EEA1: variants seen among roughly 807,000 people sequenced by gnomAD.
The protein encoded by EEA1 is early endosome antigen 1, also known as early endosome antigen 1, 162kD.
Under a neutral mutation model 209.2 loss-of-function variants are expected in EEA1, and 111 were observed. That is an observed-to-expected ratio of 0.53 (90% confidence interval 0.45 to 0.62). The LOEUF is 0.62. Among genes scored for constraint, EEA1 ranks in the 20% least tolerant of loss-of-function variants. The pLI is 0.00. For synonymous variants in EEA1, 536 were observed against 540.6 expected, an observed-to-expected ratio of 0.99 and a Z score of 0.12; for missense variants, 1,343 against 1,530.8, an observed-to-expected ratio of 0.88 and a Z score of 2.05.
chr12:92,856,154 T>A (rs1877869749), intron 5 of EEA1, among the ~76,000 whole-genome samples: 1 of 152,242 alleles, frequency 6.6e-6, no homozygotes, highest in African/African-American at 2.4e-5. Flanking sequence ...GATTATTAAT[T>A]ACTTTACAAA....
intron 2 of EEA1, among the ~76,000 whole-genome samples, chr12:92,886,774 G>A (rs185861386): frequency 3.9e-5 from 6 of 152,228 alleles, no homozygotes; most frequent in East Asian, 1.9e-4. Flanking sequence ...CGAAGCGGGC[G>A]GATCACAAGG....
intron 16 of EEA1, 80 bp downstream of exon 16, chr12:92,812,900 G>T: frequency 1.1e-6 from 1 of 923,100 alleles, no homozygotes; most frequent in Non-Finnish European, 1.6e-6. Flanking sequence ...TACAAAACTG[G>T]GTATCATCTT....
intron 1 of EEA1, among the ~76,000 whole-genome samples, chr12:92,908,785 A>T (rs1052127070): frequency 6.6e-6 from 1 of 152,074 alleles, no homozygotes. Flanking sequence ...TAAGTAAAAA[A>T]CCATTTTATA....
intron 1 of EEA1, among the ~76,000 whole-genome samples, chr12:92,909,348 G>A (rs780726304): frequency 2.6e-5 from 4 of 152,154 alleles, no homozygotes; most frequent in Non-Finnish European, 4.4e-5. Flanking sequence ...ATAAGGTCCT[G>A]TCAAAATGAC....
chr12:92,812,886 A>T (rs954628529), intron 16 of EEA1, 94 bp downstream of exon 16: 1 of 814,104 alleles, frequency 1.2e-6, no homozygotes, highest in African/African-American at 1.7e-5. Context: ...CTATCACAAG[A>T]TTATACAAAA....
intron 11 of EEA1, among the ~76,000 whole-genome samples, 197 bp from the exon 12 acceptor site, chr12:92,828,258 A>G (rs895478219): frequency 1.3e-5 from 2 of 152,224 alleles, no homozygotes; most frequent in Non-Finnish European, 2.9e-5. Flanking sequence ...AATGAATCAC[A>G]TAAAATTATC....
intron 9 of EEA1, 78 bp from the exon 10 acceptor site, chr12:92,842,659 T>C: frequency 1.1e-6 from 1 of 895,886 alleles, no homozygotes; most frequent in East Asian, 2.9e-5. Context: ...TATATAAAGG[T>C]TTTAAGAAAA....
At chr12:92,859,013 G>C in intron 3 of EEA1, 1 of 685,296 alleles carries the variant, frequency 1.5e-6, no homozygotes, top group South Asian at 1.7e-5. Context: ...GTTAAAGGAG[G>C]TCTGTGCAGA....
intron 3 of EEA1, chr12:92,859,371 C>A: frequency 5.5e-6 from 4 of 723,972 alleles, no homozygotes; most frequent in Non-Finnish European, 9.4e-6. Flanking sequence ...ATTTTCCTGT[C>A]CTGTTTCAGC....
At chr12:92,846,853 A>T (rs1877405232) in intron 9 of EEA1, among the ~76,000 whole-genome samples, 1 of 152,230 alleles carries the variant, frequency 6.6e-6, no homozygotes, top group Admixed American at 6.5e-5. Flanking sequence ...CCAACTAGGT[A>T]TACTAGTCAA....
At chr12:92,786,189 AG>A (rs1388486557) in intron 22 of EEA1, among the ~76,000 whole-genome samples, 1 of 152,116 alleles carries the variant, frequency 6.6e-6, no homozygotes, top group Non-Finnish European at 1.5e-5. Flanking sequence ...ACTACTGCAA[AG>A]TCTTCTGGTC....
chr12:92,831,617 T>C (rs927639032), intron 11 of EEA1, among the ~76,000 whole-genome samples: 1 of 146,788 alleles, frequency 6.8e-6, no homozygotes, highest in Admixed American at 6.8e-5. Context: ...TATAAATATA[T>C]AATATATATT....
chr12:92,807,735 T>C (rs1270589361), intron 18 of EEA1, among the ~76,000 whole-genome samples: 1 of 152,160 alleles, frequency 6.6e-6, no homozygotes, highest in Non-Finnish European at 1.5e-5. Context: ...AAGATGTCTA[T>C]GTTAAAAACC....
intron 5 of EEA1, among the ~76,000 whole-genome samples, chr12:92,856,625 T>C (rs1298581644): frequency 6.6e-6 from 1 of 152,064 alleles, no homozygotes; most frequent in Non-Finnish European, 1.5e-5. Context: ...TACACTTTAG[T>C]CATTATCAAT....
At chr12:92,804,523 G>A (rs1257590762) in intron 18 of EEA1, among the ~76,000 whole-genome samples, 2 of 132,510 alleles carry the variant, frequency 1.5e-5, no homozygotes, top group African/African-American at 5.8e-5. Flanking sequence ...AGTGAGCCGA[G>A]ATCACGCCAC....
intron 1 of EEA1, among the ~76,000 whole-genome samples, chr12:92,917,286 T>C (rs1210064041): frequency 1.6e-5 from 2 of 124,958 alleles, no homozygotes; most frequent in Non-Finnish European, 3.4e-5. Flanking sequence ...CCAAGACACA[T>C]AATTGTCAGA....
intron 1 of EEA1, among the ~76,000 whole-genome samples, chr12:92,910,995 A>G (rs1880563512): frequency 6.6e-6 from 1 of 152,226 alleles, no homozygotes; most frequent in South Asian, 2.1e-4. Flanking sequence ...AAATGCTGAC[A>G]AGGATGTGGA....
intron 2 of EEA1, chr12:92,883,776 G>A (rs1879265763): frequency 2.0e-6 from 3 of 1,479,474 alleles, no homozygotes; most frequent in Admixed American, 3.4e-5. Context: ...CTTCCGTCAT[G>A]TCTAAGTCAG....
At chr12:92,790,364 G>T (rs539741437) in intron 21 of EEA1, among the ~76,000 whole-genome samples, 231 of 152,234 alleles carry the variant, frequency 1.5e-3, no homozygotes, top group African/African-American at 5.5e-3. Context: ...CGAACCCATC[G>T]CAAGGAAGCT....
Sources: allele counts gnomAD v4.1 joint callset (sites outside exome capture counted in the v4.1 genomes callset), GRCh38; gene constraint gnomAD v4.1.1; transcripts MANE v1.5; gene names NCBI Gene and HGNC (gene_info 2026-07-23, HGNC 2026-07-21).